PHACTR1: variants seen among roughly 807,000 people sequenced by gnomAD.
The protein encoded by PHACTR1 is phosphatase and actin regulator 1, also known as RPEL repeat containing 1.
A neutral mutation model predicts 69.2 loss-of-function variants in PHACTR1; 16 were observed. That is an observed-to-expected ratio of 0.23 (90% CI 0.16 to 0.35). The LOEUF is 0.35. Ranked by LOEUF, PHACTR1 falls within the 10% of genes least tolerant of loss-of-function variation. The pLI is 1.00. For missense variants in PHACTR1, 510 were observed against 734.7 expected (o/e 0.69, Z 3.54); for synonymous variants, 312 against 284.5 (o/e 1.10, Z -0.97).
chr6:13,096,880 A>C (rs778397681), intron 5 of PHACTR1, among the ~76,000 whole-genome samples: 18 of 152,224 alleles, frequency 1.2e-4, no homozygotes, highest in Admixed American at 5.2e-4. Flanking sequence ...GTCGTGCGTG[A>C]CTTCTGGAAT....
intron 4 of PHACTR1, among the ~76,000 whole-genome samples, chr6:12,799,298 T>C (rs1482202971): frequency 1.3e-5 from 2 of 152,144 alleles, no homozygotes; most frequent in African/African-American, 2.4e-5. Context: ...TGGGTCACAA[T>C]AGGTGGTCAG....
chr6:13,256,264 G>T (rs443153), intron 10 of PHACTR1, among the ~76,000 whole-genome samples: 1 of 152,248 alleles, frequency 6.6e-6, no homozygotes, highest in Admixed American at 6.5e-5. Flanking sequence ...GGGCAGCGGG[G>T]CCCTAGGCCT....
At chr6:12,846,980 T>C (rs1779346744) in intron 4 of PHACTR1, among the ~76,000 whole-genome samples, 1 of 136,548 alleles carries the variant, frequency 7.3e-6, no homozygotes, top group African/African-American at 3.0e-5. Flanking sequence ...TGCTAATTTT[T>C]TTCTTTGTTT....
intron 5 of PHACTR1, among the ~76,000 whole-genome samples, chr6:13,099,351 CT>C (rs2127853683): frequency 6.6e-6 from 1 of 152,356 alleles, no homozygotes; most frequent in South Asian, 2.1e-4. Context: ...TCTGTTGAGT[CT>C]TACACATTCC....
At chr6:12,901,382 A>G (rs555167235) in intron 4 of PHACTR1, among the ~76,000 whole-genome samples, 7 of 152,332 alleles carry the variant, frequency 4.6e-5, no homozygotes, top group South Asian at 4.1e-4. Context: ...ATGTGATCCA[A>G]AAAGCTAATG....
intron 13 of PHACTR1, among the ~76,000 whole-genome samples, chr6:13,284,104 A>G (rs1048362876): frequency 6.6e-6 from 1 of 152,206 alleles, no homozygotes; most frequent in Non-Finnish European, 1.5e-5. Context: ...AGTGATGCCA[A>G]TGAGAAATCA....
intron 4 of PHACTR1, among the ~76,000 whole-genome samples, chr6:13,002,083 A>G (rs562883867): frequency 5.3e-5 from 8 of 152,342 alleles, no homozygotes; most frequent in African/African-American, 1.7e-4. Context: ...CTATGCATTT[A>G]CAAGGAATGA....
chr6:13,197,251 T>C (rs1304216005), intron 7 of PHACTR1, among the ~76,000 whole-genome samples: 1 of 152,180 alleles, frequency 6.6e-6, no homozygotes, highest in African/African-American at 2.4e-5. Context: ...ATGGAGACTT[T>C]GTAAAATTAG....
intron 10 of PHACTR1, among the ~76,000 whole-genome samples, chr6:13,256,039 CT>C (rs1174597188): frequency 6.6e-6 from 1 of 152,262 alleles, no homozygotes; most frequent in Non-Finnish European, 1.5e-5. Flanking sequence ...CAGCAGGCTT[CT>C]GCCTGGACAC....
intron 4 of PHACTR1, among the ~76,000 whole-genome samples, chr6:13,035,508 T>C (rs1803174648): frequency 6.6e-6 from 1 of 152,178 alleles, no homozygotes; most frequent in South Asian, 2.1e-4. Context: ...TATTTTAAAA[T>C]GCAAGCAATT....
intron 10 of PHACTR1, among the ~76,000 whole-genome samples, chr6:13,271,263 C>A (rs1011798774): frequency 1.4e-4 from 22 of 152,244 alleles, no homozygotes; most frequent in African/African-American, 4.8e-4. Context: ...AAGCTAGGAC[C>A]AAGCCATGAG....
chr6:13,025,973 G>T (rs1225139390), intron 4 of PHACTR1, among the ~76,000 whole-genome samples: 1 of 152,106 alleles, frequency 6.6e-6, no homozygotes, highest in Non-Finnish European at 1.5e-5. Context: ...GTTCCAAAAT[G>T]CACCCCTGGT....
At position 13,210,978 on chromosome 6, in the gene PHACTR1, G is replaced by A. The variant is rs144971583; in HGVS notation, c.986+4842G>A. Among the ~76,000 whole-genome samples the A allele has an allele frequency of 1.6e-3, 192 of 117,322 alleles. 2 individuals are homozygous for A. The highest frequency in any genetic ancestry group is 6.1e-3 in the African/African-American group (184 of 30,256). 77.0% of individuals were successfully genotyped at this position (117,322 alleles called of 152,430 possible). A position where few individuals can be genotyped will look rare whatever the true frequency, so the allele number is the denominator to read the frequency against. ...ACTTTCCATTCTAATAAATAACACT[G>A]CATTTTTTCCCCATTTTTGTACTTA... On this transcript the variant is annotated intron_variant, in intron 8 of 14. Transcript: ENST00000332995.
At chr6:12,745,856 G>GA (rs1765723869) in intron 3 of PHACTR1, among the ~76,000 whole-genome samples, 1 of 152,200 alleles carries the variant, frequency 6.6e-6, no homozygotes, top group South Asian at 2.1e-4. Context: ...CATGCTGGTA[G>GA]AGTGACTTGC....
chr6:13,029,217 A>G lies in PHACTR1; in HGVS notation c.251-24148A>G, dbSNP rs1802110312. On this transcript the variant is annotated intron_variant, in intron 4 of 14. Transcript: ENST00000332995. ...TTAATTACAAGACTGTATTAAAATG[A>G]TATGAATTTGAAAGAACATCAGGTA... 2.0e-5 allele frequency among the ~76,000 whole-genome samples: 3 copies of G among 152,330 alleles called. No individual in the cohort carries two copies. The South Asian group carries it at 6.2e-4, about 32-fold the overall frequency.
At chr6:13,253,177 C>T (rs1584244278) in intron 10 of PHACTR1, 2 of 310,594 alleles carry the variant, frequency 6.4e-6, no homozygotes, top group South Asian at 4.8e-5. Context: ...AGAGATTGGC[C>T]CTTTGCGGGT....
intron 4 of PHACTR1, among the ~76,000 whole-genome samples, chr6:12,921,922 C>G (rs901696348): frequency 1.3e-5 from 2 of 151,738 alleles, no homozygotes; most frequent in African/African-American, 4.8e-5. Context: ...CTAGTGCCAG[C>G]AGGCCTTGTG....
chr6:12,820,427 G>A lies in PHACTR1; in HGVS notation c.250+70637G>A, dbSNP rs149416108. Among the ~76,000 whole-genome samples, 1,174 of 152,220 alleles carry A rather than the reference G, an allele frequency of 7.7e-3. 13 individuals carry two copies. The highest frequency in any genetic ancestry group is 0.02 in the Middle Eastern group (6 of 294). ...AATCTCCTGACTTCATGATTCGCCC[G>A]CCTCAGCCTCCCAAAATGCTAGGAT... On this transcript the variant is annotated intron_variant, in intron 4 of 14. Transcript: ENST00000332995.
At chr6:12,837,525 G>A (rs1378415221) in intron 4 of PHACTR1, among the ~76,000 whole-genome samples, 3 of 152,092 alleles carry the variant, frequency 2.0e-5, no homozygotes, top group Non-Finnish European at 4.4e-5. Context: ...CAGATATCTA[G>A]CATCTTTTCC....
Sources: allele counts gnomAD v4.1 joint callset (sites outside exome capture counted in the v4.1 genomes callset), GRCh38; gene constraint gnomAD v4.1.1; transcripts MANE v1.5; gene names NCBI Gene and HGNC (gene_info 2026-07-23, HGNC 2026-07-21).